The following TENM3 variants were observed in gnomAD, a reference collection of about 807,000 sequenced individuals.
The protein encoded by TENM3 is teneurin transmembrane protein 3.
TENM3 carries 63 observed loss-of-function variants against 255.1 expected under a neutral mutation model. The observed-to-expected ratio is 0.25, with a 90% confidence interval of 0.20 to 0.30. The LOEUF is 0.30. TENM3 is among the 10% of genes least tolerant of loss of function. TENM3 has a pLI of 1.00. For synonymous variants in TENM3, 1,306 were observed against 1,322.3 expected, an observed-to-expected ratio of 0.99 and a Z score of 0.27; for missense variants, 2,929 against 3,461.1, an observed-to-expected ratio of 0.85 and a Z score of 3.86.
At chr4:182,252,901 T>A (rs780256246) in intron 1 of TENM3, among the ~76,000 whole-genome samples, 7 of 152,158 alleles carry the variant, frequency 4.6e-5, no homozygotes, top group African/African-American at 1.4e-4. Context: ...CCCAGCTTCA[T>A]GTAGGTGAAG....
At chr4:182,545,731 A>G (rs113533475) in intron 3 of TENM3, among the ~76,000 whole-genome samples, 3 of 152,210 alleles carry the variant, frequency 2.0e-5, no homozygotes, top group African/African-American at 7.2e-5. Context: ...TCTCAGCTTA[A>G]TATAGCTCCA....
intron 4 of TENM3, among the ~76,000 whole-genome samples, chr4:182,623,106 G>A (rs1750453821): frequency 6.6e-6 from 1 of 151,310 alleles, no homozygotes; most frequent in African/African-American, 2.4e-5. Flanking sequence ...TGCCTTCCAG[G>A]TTCACGCCAT....
chr4:181,914,225 A>G, the TENM3 span, among the ~76,000 whole-genome samples: 1 of 152,174 alleles, frequency 6.6e-6, no homozygotes, highest in African/African-American at 2.4e-5. Flanking sequence ...AATCAACTCT[A>G]TATTATTTGC....
intron 6 of TENM3, among the ~76,000 whole-genome samples, chr4:182,656,342 C>A (rs752955512): frequency 6.6e-6 from 1 of 152,130 alleles, no homozygotes; most frequent in Non-Finnish European, 1.5e-5. Context: ...TTACTTGAAT[C>A]GCCCCCAAAA....
intron 1 of TENM3, among the ~76,000 whole-genome samples, chr4:182,154,013 T>G (rs1750521801): frequency 6.6e-6 from 1 of 152,148 alleles, no homozygotes; most frequent in Admixed American, 6.6e-5. Flanking sequence ...TATTTTTTAT[T>G]ATTTTTATCT....
chr4:181,764,423 G>T, the TENM3 span, among the ~76,000 whole-genome samples: 2 of 152,134 alleles, frequency 1.3e-5, no homozygotes, highest in African/African-American at 4.8e-5. Flanking sequence ...GTGATTTTCA[G>T]TGGGCTTTTC....
intron 3 of TENM3, among the ~76,000 whole-genome samples, chr4:182,486,991 T>C (rs1734808006): frequency 6.6e-6 from 1 of 152,196 alleles, no homozygotes. Context: ...TTCTCTTTTC[T>C]CTTCCTCTAT....
At chr4:181,968,557 G>T in the TENM3 span, among the ~76,000 whole-genome samples, 1 of 152,166 alleles carries the variant, frequency 6.6e-6, no homozygotes, top group African/African-American at 2.4e-5. Flanking sequence ...AAAACAAAAA[G>T]CTCACTGATG....
chr4:182,036,522 G>T, the TENM3 span, among the ~76,000 whole-genome samples: 2 of 152,126 alleles, frequency 1.3e-5, no homozygotes, highest in Non-Finnish European at 2.9e-5. Flanking sequence ...CTACATGAGG[G>T]CAAAGGCTGT....
intron 3 of TENM3, among the ~76,000 whole-genome samples, chr4:182,363,005 A>G (rs915373622): frequency 3.3e-5 from 5 of 152,218 alleles, no homozygotes; most frequent in Admixed American, 2.0e-4. Flanking sequence ...ATCATAACCA[A>G]TTTTAAGTCA....
At chr4:181,802,416 A>G in the TENM3 span, among the ~76,000 whole-genome samples, 1 of 152,192 alleles carries the variant, frequency 6.6e-6, no homozygotes, top group African/African-American at 2.4e-5. Flanking sequence ...AGACTTTGTA[A>G]CAGAATACTT....
At chr4:182,316,116 T>G (rs2726790) in intron 1 of TENM3, among the ~76,000 whole-genome samples, 46,266 of 152,104 alleles carry the variant, frequency 0.3, 7,356 homozygotes, top group Middle Eastern at 0.4. Context: ...GGTAATTTTT[T>G]ATTGGATGTC....
chr4:182,030,007 TC>T, the TENM3 span, among the ~76,000 whole-genome samples: 76,182 of 107,568 alleles, frequency 0.71, 29,193 homozygotes, highest in East Asian at 0.89. Flanking sequence ...CTCCTTTTTT[TC>T]TTTTTTTTTT....
intron 1 of TENM3, among the ~76,000 whole-genome samples, chr4:182,154,135 T>C (rs1343055865): frequency 6.6e-6 from 1 of 152,110 alleles, no homozygotes; most frequent in Non-Finnish European, 1.5e-5. Flanking sequence ...ATTATGCTTT[T>C]TTTCTTTTTT....
At chr4:182,662,017 A>G (rs1754269349) in intron 6 of TENM3, among the ~76,000 whole-genome samples, 1 of 152,098 alleles carries the variant, frequency 6.6e-6, no homozygotes, top group Non-Finnish European at 1.5e-5. Context: ...CAAACCTCCT[A>G]ATTACCAATA....
rs147737517 is a variant in TENM3, at chr4:182,318,316, G to A, written c.-75-5630G>A. Among the ~76,000 whole-genome samples, 732 of 152,140 alleles carry A rather than the reference G, an allele frequency of 4.8e-3. 2 individuals carry two copies. Among genetic ancestry groups the A allele is most frequent in the Admixed American group, 6.7e-3 (102 of 15,298 alleles). Reference sequence around the variant, plus strand: ...TGATGTTAGGGATGTTTGATAAATTGTAATCATTGGCATCAAGGGTTTTAA... The same window carrying A: ...TGATGTTAGGGATGTTTGATAAATTATAATCATTGGCATCAAGGGTTTTAA... On this transcript the variant is annotated intron_variant, in intron 1 of 27. Transcript: ENST00000511685.
the TENM3 span, among the ~76,000 whole-genome samples, chr4:181,603,697 A>G: frequency 5.3e-5 from 8 of 152,248 alleles, no homozygotes; most frequent in Admixed American, 4.6e-4. Flanking sequence ...AGCTGCTTTG[A>G]TAAGTATAAA....
chr4:182,644,544 G>A (rs1011397436), intron 5 of TENM3, among the ~76,000 whole-genome samples: 34 of 151,896 alleles, frequency 2.2e-4, no homozygotes, highest in Admixed American at 3.9e-4. Flanking sequence ...GATTCCGTTC[G>A]TCTCCAGCCT....
At chr4:182,121,151 C>T in the TENM3 span, among the ~76,000 whole-genome samples, 3 of 152,050 alleles carry the variant, frequency 2.0e-5, no homozygotes, top group South Asian at 2.1e-4. Context: ...GGCGCCCACA[C>T]GACACCCGGC....
Sources: allele counts gnomAD v4.1 joint callset (sites outside exome capture counted in the v4.1 genomes callset), GRCh38; gene constraint gnomAD v4.1.1; transcripts MANE v1.5; gene names NCBI Gene and HGNC (gene_info 2026-07-23, HGNC 2026-07-21).